Variants in GDF5 observed in about 807,000 individuals in gnomAD.
GDF5 encodes the protein growth/differentiation factor 5.
In GDF5, 17 loss-of-function variants were observed where a neutral mutation model predicts 34.6. That is an observed-to-expected ratio of 0.49 (90% CI 0.34 to 0.74). The LOEUF (loss-of-function observed/expected upper bound fraction) is 0.74. Ranked by LOEUF, GDF5 falls within the 30% of genes least tolerant of loss-of-function variation. The probability of loss-of-function intolerance (pLI) is 0.01; values close to 1 mark genes in which losing one functional copy is unlikely to be tolerated. For missense variants in GDF5, 616 were observed against 661.2 expected (o/e 0.93, Z 0.75); for synonymous variants, 332 against 290.7 (o/e 1.14, Z -1.44).
rs971897843 is a variant in GDF5 at position 35,433,616 on chromosome 20, C to A, written c.*293G>T. The stretch of plus-strand genomic sequence containing the variant: ...GGAGAAATGGTGGGCTGAGTCTCAT[C>A]GGAAAGCACTGTTTCCTGGGACTCA... On this transcript the variant is annotated 3_prime_UTR_variant, in exon 2 of 2. Transcript: ENST00000374369. 6.6e-6 allele frequency: 3 copies of A among 457,488 alleles called. No individual in the cohort carries two copies. 28.3% of individuals were successfully genotyped at this position (457,488 alleles called of 1,614,324 possible). A position where few individuals can be genotyped will look rare whatever the true frequency, so the allele number is the denominator to read the frequency against.
At chr20:35,435,257 C>A in intron 1 of GDF5, 2 of 275,860 alleles carry the variant, frequency 7.3e-6, no homozygotes, top group East Asian at 8.1e-5. Flanking sequence ...TCGAAACCAG[C>A]CTGCACAACA....
At chr20:35,438,548 C>T (rs1183572006), upstream of GDF5, among the ~76,000 whole-genome samples, 4 of 152,166 alleles carry the variant, frequency 2.6e-5, no homozygotes, top group African/African-American at 9.6e-5. Context: ...TCACCGCTGC[C>T]CTTTCGAGGC....
chr20:35,444,199 CGTTT>C (rs1462961008), intron 1 of GDF5, among the ~76,000 whole-genome samples: 1 of 152,182 alleles, frequency 6.6e-6, no homozygotes, highest in Non-Finnish European at 1.5e-5. Flanking sequence ...TTCTCTTATG[CGTTT>C]GTTTGTCTCT....
chr20:35,441,675 G>A (rs191375771), upstream of GDF5, among the ~76,000 whole-genome samples: 61 of 150,970 alleles, frequency 4.0e-4, no homozygotes, highest in African/African-American at 1.4e-3. Flanking sequence ...GGATGGTCTC[G>A]ATCTCCTGAC....
upstream of GDF5, among the ~76,000 whole-genome samples, chr20:35,442,974 G>T (rs374416406): frequency 2.6e-5 from 4 of 152,198 alleles, no homozygotes; most frequent in African/African-American, 7.2e-5. Flanking sequence ...CACTAGAAGT[G>T]ATAGGGCACT....
rs190705968 is a variant in GDF5, at chr20:35,435,616, G to A, written c.632-833C>T. Among the ~76,000 whole-genome samples the A allele has an allele frequency of 9.9e-5, 15 of 152,174 alleles. 1 individual carries two copies. Among genetic ancestry groups the A allele is most frequent in the South Asian group, 6.2e-4 (3 of 4,816 alleles). ...CTTGGTGCTCTTGTTATGCAGATGA[G>A]GCACAGAGATGGGGAGTGACTTGAC... On this transcript the variant is annotated intron_variant, in intron 1 of 1. Coordinates refer to ENST00000374369, the MANE Select transcript of GDF5 (RefSeq NM_000557.5).
At chr20:35,438,860 T>TGTGTGTGTGTGTG (rs1555823695), upstream of GDF5, among the ~76,000 whole-genome samples, 1 of 45,602 alleles carries the variant, frequency 2.2e-5, no homozygotes, top group Non-Finnish European at 4.9e-5. Context: ...TGTGTGTGTG[T>TGTGTGTGTGTGTG]TTATGTGCCT....
rs972376008 is a variant in GDF5, at chr20:35,433,362, T to C, written c.*547A>G. 1 of 319,122 alleles carries C rather than the reference T, an allele frequency of 3.1e-6. No homozygotes were observed. Among genetic ancestry groups the C allele is most frequent in the African/African-American group, 2.2e-5 (1 of 45,862 alleles). 19.8% of individuals were successfully genotyped at this position (319,122 alleles called of 1,614,324 possible). The stretch of plus-strand genomic sequence containing the variant: ...TTTGCCACAGTTTTAGGCACAGTTT[T>C]GCTTTTTATCTCATCAATATACATT... On this transcript the variant is annotated 3_prime_UTR_variant, in exon 2 of 2. Transcript: ENST00000374369.
chr20:35,449,093 A>G (rs2146590927), intron 1 of GDF5, among the ~76,000 whole-genome samples: 1 of 152,194 alleles, frequency 6.6e-6, no homozygotes, highest in African/African-American at 2.4e-5. Context: ...GCCTTTGCAC[A>G]TGCTGCTTGG....
chr20:35,444,657 T>C (rs1376100598), intron 1 of GDF5, among the ~76,000 whole-genome samples: 1 of 152,162 alleles, frequency 6.6e-6, no homozygotes, highest in Non-Finnish European at 1.5e-5. Context: ...TGCAATGGTG[T>C]GATCTCAGCT....
chr20:35,447,076 T>G (rs1267952152), intron 1 of GDF5, among the ~76,000 whole-genome samples: 1 of 152,164 alleles, frequency 6.6e-6, no homozygotes, highest in African/African-American at 2.4e-5. Flanking sequence ...TATTATACTT[T>G]AAGTTCTAGG....
chr20:35,444,199 C>G (rs1201339386), intron 1 of GDF5, among the ~76,000 whole-genome samples: 1 of 152,182 alleles, frequency 6.6e-6, no homozygotes, highest in Non-Finnish European at 1.5e-5. Flanking sequence ...TTCTCTTATG[C>G]GTTTGTTTGT....
intron 1 of GDF5, 72 bp downstream of exon 1, chr20:35,437,226 G>T: frequency 9.0e-7 from 1 of 1,111,522 alleles, no homozygotes; most frequent in Non-Finnish European, 1.3e-6. Flanking sequence ...CAGTGCCAGG[G>T]CTTTGAAAGC....
At chr20:35,449,125 C>T (rs1161261805) in intron 1 of GDF5, among the ~76,000 whole-genome samples, 1 of 152,118 alleles carries the variant, frequency 6.6e-6, no homozygotes, top group Non-Finnish European at 1.5e-5. Flanking sequence ...CCACCCCACC[C>T]CTGCCACTTT....
At chr20:35,448,448 C>CT (rs34209210) in intron 1 of GDF5, among the ~76,000 whole-genome samples, 78,546 of 86,732 alleles carry the variant, frequency 0.91, 36,994 homozygotes, top group South Asian at 0.97. Flanking sequence ...GCCCCCCCGA[C>CT]TTTTTTTTTT....
upstream of GDF5, among the ~76,000 whole-genome samples, chr20:35,439,908 C>CTTT (rs34397706): frequency 8.2e-3 from 590 of 71,684 alleles, 100 homozygotes; most frequent in African/African-American, 0.023. Flanking sequence ...AGGCTTCCTT[C>CTTT]TTTTTTTTTT....
chr20:35,439,314 G>A (rs566209493), upstream of GDF5, among the ~76,000 whole-genome samples: 17 of 141,810 alleles, frequency 1.2e-4, no homozygotes, highest in African/African-American at 4.5e-4. Context: ...TGCAATCTCT[G>A]CCTCCCAGGT....
intron 1 of GDF5, among the ~76,000 whole-genome samples, chr20:35,447,354 C>T (rs6060421): frequency 3.3e-5 from 5 of 152,344 alleles, no homozygotes; most frequent in African/African-American, 1.2e-4. Flanking sequence ...GCAGTGGCCA[C>T]TGCTCAGGAC....
rs1418130755 is a variant in GDF5 at position 35,434,281 on chromosome 20, T to C, written c.1134A>G (p.Arg378=). ...TVYEYLFSQR[R]KRRAPLATRQ... is the part of the protein sequence containing the mutation. ...GAGTGGCCAGTGGGGCCCGCCGTTT[T>C]CGCCGCTGGCTGAACAGGTACTCAT... is the stretch of plus-strand genomic sequence containing the variant. The change falls in exon 2 of 2, where the codon CGA becomes CGG. Residue 378 remains arginine, a synonymous_variant. Transcript: ENST00000374369. 2 of 1,614,066 alleles carry C rather than the reference T, an allele frequency of 1.2e-6. No individual in the cohort carries two copies. The highest frequency in any genetic ancestry group is 1.7e-6 in the Non-Finnish European group (2 of 1,180,038).
Sources: gnomAD v4.1 joint callset for allele counts (sites outside exome capture counted in the v4.1 genomes callset) on GRCh38, gnomAD v4.1.1 for gene constraint, MANE v1.5 for transcripts, NCBI Gene and HGNC (gene_info 2026-07-23, HGNC 2026-07-21) for gene names.